Variants in TNFSF13B observed in about 807,000 individuals in gnomAD.
The protein encoded by TNFSF13B is TNF superfamily member 13b, also known as tumor necrosis factor ligand superfamily member 13B.
Under a neutral mutation model 29.1 loss-of-function variants are expected in TNFSF13B, and 8 were observed. The ratio of observed to expected loss-of-function variants is 0.27; its 90% confidence interval spans 0.16 to 0.50. The LOEUF is 0.50. Among genes scored for constraint, TNFSF13B ranks in the 20% least tolerant of loss-of-function variants. TNFSF13B has a pLI of 0.98. For synonymous variants in TNFSF13B, 125 were observed against 130.8 expected (o/e 0.96, Z 0.30); for missense variants, 248 against 334.9 (o/e 0.74, Z 2.03).
intron 2 of TNFSF13B, among the ~76,000 whole-genome samples, chr13:108,286,367 C>G (rs1356975048): frequency 6.6e-6 from 1 of 150,792 alleles, no homozygotes; most frequent in Non-Finnish European, 1.5e-5. Context: ...TTTTTTTTTA[C>G]TTTCATAAGT....
intron 3 of TNFSF13B, among the ~76,000 whole-genome samples, chr13:108,299,094 T>G (rs1881537588): frequency 6.8e-6 from 1 of 146,488 alleles, no homozygotes; most frequent in Admixed American, 6.7e-5. Context: ...GCTCTCCATT[T>G]ATTTAGTTCT....
intron 3 of TNFSF13B, among the ~76,000 whole-genome samples, chr13:108,301,963 TTAAA>T (rs1339936841): frequency 6.6e-6 from 1 of 152,176 alleles, no homozygotes; most frequent in Admixed American, 6.5e-5. Flanking sequence ...TGGAAAAAGT[TTAAA>T]TATGTTTGGT....
At chr13:108,300,555 T>C (rs759657190) in intron 3 of TNFSF13B, among the ~76,000 whole-genome samples, 1 of 152,196 alleles carries the variant, frequency 6.6e-6, no homozygotes, top group Non-Finnish European at 1.5e-5. Context: ...AAAAAGTGCT[T>C]TGCATACATT....
chr13:108,271,623 G>T (rs899931385), intron 2 of TNFSF13B, among the ~76,000 whole-genome samples: 3 of 151,978 alleles, frequency 2.0e-5, no homozygotes, highest in African/African-American at 7.2e-5. Flanking sequence ...AGGAATAACT[G>T]GGCTTAAACA....
intron 3 of TNFSF13B, among the ~76,000 whole-genome samples, chr13:108,300,039 A>T (rs1158619605): frequency 6.6e-6 from 1 of 152,190 alleles, no homozygotes; most frequent in Non-Finnish European, 1.5e-5. Context: ...AATCTAAATT[A>T]TTATAAAATT....
At position 108,277,069 on chromosome 13, in the gene TNFSF13B, TACAGAGAAGAGG is replaced by T. The variant is rs796992749; in HGVS notation, c.424+6650_424+6661del. On this transcript the variant is annotated intron_variant, in intron 2 of 5. Transcript: ENST00000375887. The stretch of plus-strand genomic sequence containing the variant: ...TATCTGAGGTAGGCACTCCATAATA[TACAGAGAAGAGG>T]ACAGCGAAGCTAACAATTATCAGGC... 6.6e-5 allele frequency among the ~76,000 whole-genome samples: 10 copies of T among 152,296 alleles called. No individual in the cohort carries two copies. In the South Asian group the frequency reaches 2.1e-3, roughly 32 times the overall value.
intron 3 of TNFSF13B, among the ~76,000 whole-genome samples, chr13:108,292,175 T>G (rs1881335709): frequency 6.6e-6 from 1 of 152,090 alleles, no homozygotes; most frequent in Non-Finnish European, 1.5e-5. Flanking sequence ...CTGCTTTATG[T>G]CTCTGTGGAT....
At chr13:108,276,201 G>T (rs1415079373) in intron 2 of TNFSF13B, among the ~76,000 whole-genome samples, 1 of 152,214 alleles carries the variant, frequency 6.6e-6, no homozygotes, top group African/African-American at 2.4e-5. Flanking sequence ...AAATTAGGCT[G>T]ACTTGAGCCT....
intron 5 of TNFSF13B, 25 bp from the exon 6 acceptor site, chr13:108,306,801 G>A (rs372343695): frequency 7.3e-7 from 1 of 1,360,624 alleles, no homozygotes; most frequent in Middle Eastern, 1.8e-4. Context: ...ACCACTTATA[G>A]TTCTTGTAAA....
intron 2 of TNFSF13B, among the ~76,000 whole-genome samples, chr13:108,277,368 C>T (rs1159710468): frequency 2.0e-5 from 3 of 152,260 alleles, no homozygotes; most frequent in East Asian, 3.9e-4. Context: ...AATCTATTTT[C>T]GCAGCAGTAT....
At chr13:108,288,645 C>T (rs547888003) in intron 3 of TNFSF13B, among the ~76,000 whole-genome samples, 1 of 152,308 alleles carries the variant, frequency 6.6e-6, no homozygotes, top group South Asian at 2.1e-4. Context: ...GCCAAACCAT[C>T]GCAAGTCCAT....
chr13:108,291,058 G>GT (rs1335627067), intron 3 of TNFSF13B, among the ~76,000 whole-genome samples: 1 of 151,208 alleles, frequency 6.6e-6, no homozygotes, highest in African/African-American at 2.4e-5. Context: ...TTTAGTCTAT[G>GT]TTTTTTTCAC....
At chr13:108,287,881 C>T (rs1335491995) in intron 3 of TNFSF13B, among the ~76,000 whole-genome samples, 1 of 152,104 alleles carries the variant, frequency 6.6e-6, no homozygotes, top group Non-Finnish European at 1.5e-5. Context: ...TACAAAGAAA[C>T]AACTTTTAAT....
chr13:108,285,225 CAG>C (rs1336893800), intron 2 of TNFSF13B, among the ~76,000 whole-genome samples: 2 of 152,020 alleles, frequency 1.3e-5, no homozygotes, highest in African/African-American at 2.4e-5. Context: ...AATTTCTTAA[CAG>C]ATTTTCTTAT....
In TNFSF13B at chr13:108,295,701, C is replaced by T. The variant is rs1168848539; in HGVS notation, c.482-7552C>T. 2.1e-5 allele frequency among the ~76,000 whole-genome samples: 3 copies of T among 145,666 alleles called. 1 individual carries two copies. The highest frequency in any genetic ancestry group is 4.6e-5 in the Non-Finnish European group (3 of 65,634). On this transcript the variant is annotated intron_variant, in intron 3 of 5. Transcript: ENST00000375887. ...CATTTCTTTCTGAGTGCTACTTTCACTGCTTCCTATGAATATTGCTATGCT... is the reference window on the plus strand; with the variant it reads ...CATTTCTTTCTGAGTGCTACTTTCATTGCTTCCTATGAATATTGCTATGCT...
intron 3 of TNFSF13B, among the ~76,000 whole-genome samples, chr13:108,294,386 G>A (rs1207348658): frequency 6.6e-6 from 1 of 151,860 alleles, no homozygotes; most frequent in East Asian, 1.9e-4. Context: ...CACCATGTTG[G>A]CCAGACTGAT....
intron 3 of TNFSF13B, among the ~76,000 whole-genome samples, chr13:108,288,654 A>G (rs568299019): frequency 6.6e-6 from 1 of 152,356 alleles, no homozygotes; most frequent in East Asian, 1.9e-4. Context: ...TCGCAAGTCC[A>G]TATGCATGGT....
At chr13:108,280,452 A>G (rs1334032283) in intron 2 of TNFSF13B, among the ~76,000 whole-genome samples, 2 of 152,212 alleles carry the variant, frequency 1.3e-5, no homozygotes, top group African/African-American at 4.8e-5. Flanking sequence ...AACTTCATAC[A>G]TTCAACTGTT....
chr13:108,283,038 T>G (rs567941316), intron 2 of TNFSF13B, among the ~76,000 whole-genome samples: 4 of 152,342 alleles, frequency 2.6e-5, no homozygotes, highest in African/African-American at 9.6e-5. Context: ...GATATCTGTG[T>G]TACTGGAAGA....
Sources: gnomAD v4.1 joint callset for allele counts (sites outside exome capture counted in the v4.1 genomes callset) on GRCh38, gnomAD v4.1.1 for gene constraint, MANE v1.5 for transcripts, NCBI Gene and HGNC (gene_info 2026-07-23, HGNC 2026-07-21) for gene names.